The following TP53I3 variants were observed in gnomAD, a reference collection of about 807,000 sequenced individuals.
The protein encoded by TP53I3 is tumor protein p53 inducible protein 3, also known as quinone oxidoreductase PIG3.
A neutral mutation model predicts 27.7 loss-of-function variants in TP53I3; 32 were observed. The observed-to-expected ratio is 1.16, with a 90% CI of 0.87 to 1.55. The LOEUF (loss-of-function observed/expected upper bound fraction) is 1.55, where lower values mean the gene tolerates loss of function less well. TP53I3 is among the 40% of genes most tolerant of loss of function. The pLI is 0.00. For missense variants in TP53I3, 372 were observed against 412.3 expected (o/e 0.90, Z 0.85); for synonymous variants, 138 against 167.8 (o/e 0.82, Z 1.37).
chr2:24,084,251 C>T lies in TP53I3; in HGVS notation c.76G>A (p.Gly26Arg). ...ACCTTCAGGAGGACTTCACCCTCCC[C>T]CGGGCTCGGCTTGGCCACCTCCTTC... is the stretch of plus-strand genomic sequence containing the variant. ...YVKEVAKPSP[G>R]EGEVLLKVAA... The change falls in exon 1 of 5, where the codon GGG becomes AGG. Residue 26 changes from glycine to arginine, a missense_variant. By Grantham distance (125) the Gly-to-Arg change is moderately radical. Coordinates refer to ENST00000238721, the MANE Select transcript of TP53I3 (RefSeq NM_004881.5). The surrounding 1 kb of genome is among the most constrained non-coding windows in gnomAD (Gnocchi z 8.4). The T allele has an allele frequency of 6.2e-7, 1 of 1,614,164 alleles. No individual in the cohort carries two copies. Among genetic ancestry groups the T allele is most frequent in the African/African-American group, 1.3e-5 (1 of 75,074 alleles).
chr2:24,077,628 A>G lies in TP53I3; in HGVS notation c.950T>C (p.Met317Thr), dbSNP rs145805831. The change falls in exon 5 of 5, where the codon ATG becomes ACG. Residue 317 changes from methionine (M) to threonine (T), a missense_variant. Transcript: ENST00000238721. The surrounding 1 kb of genome is among the most constrained non-coding windows in gnomAD (Gnocchi z 5.5). ...CTTGCCTATGTTCTTGTTGGCCTCC[A>G]TGTACTTATGGGCCTCCTGGATTTC... ...VTEIQEAHKY[M>T]EANKNIGKIV... The G allele has an allele frequency of 3.3e-5, 54 of 1,612,706 alleles. No individual in the cohort carries two copies. The African/African-American group carries it at 6.7e-4, about 20-fold the overall frequency.
Position 24,084,421 on chromosome 2 carries a change from G to T in TP53I3, c.-95C>A. 2 of 1,214,492 alleles carry T rather than the reference G, an allele frequency of 1.6e-6. No individual in the cohort carries two copies. Among genetic ancestry groups the T allele is most frequent in the Non-Finnish European group, 1.1e-6 (1 of 914,582 alleles). 75.2% of individuals were successfully genotyped at this position (1,214,492 alleles called of 1,614,324 possible). A position where few individuals can be genotyped will look rare whatever the true frequency, so the allele number is the denominator to read the frequency against. On this transcript the variant is annotated 5_prime_UTR_variant, in exon 1 of 5. Transcript: ENST00000238721. This position sits in a 1 kb window ranked among gnomAD's most constrained non-coding sequence, Gnocchi z 8.4. ...CAGGGCAGGACAGGACAGGGCAGGG[G>T]CCGCTGTATCCTCGCGGAGCAGCCC...
In TP53I3 at chr2:24,077,696, G is replaced by T. The variant is rs1383217735; in HGVS notation, c.882C>A (p.Pro294=). The T allele has an allele frequency of 6.2e-7, 1 of 1,614,086 alleles. No homozygotes were observed. Among genetic ancestry groups the T allele is most frequent in the South Asian group, 1.1e-5 (1 of 91,080 alleles). Residue 294 remains proline, a synonymous_variant, in exon 5 of 5, where the codon CCC becomes CCA. Transcript: ENST00000238721. This position sits in a 1 kb window ranked among gnomAD's most constrained non-coding sequence, Gnocchi z 5.5. ...QILPHFSTEG[P]QRLLPVLDRI... ...TGTCCAGAACCGGCAGCAGACGTTG[G>T]GGGCCCTCCGTGGAGAAGTGAGGCA...
At chr2:24,081,735 C>A (rs1441660873) in intron 2 of TP53I3, among the ~76,000 whole-genome samples, 1 of 149,644 alleles carries the variant, frequency 6.7e-6, no homozygotes, top group East Asian at 2.0e-4. Context: ...GTCACCCAGG[C>A]TGGAGTGCAG....
rs1026576944 is a variant in TP53I3, at chr2:24,080,144, G to T, written c.620-504C>A. Among the ~76,000 whole-genome samples the T allele has an allele frequency of 3.3e-5, 5 of 152,122 alleles. No homozygotes were observed. The highest frequency in any genetic ancestry group is 7.4e-5 in the Non-Finnish European group (5 of 68,014). On this transcript the variant is annotated intron_variant, in intron 3 of 4. Transcript: ENST00000238721. The surrounding 1 kb of genome is among the most constrained non-coding windows in gnomAD (Gnocchi z 4.7). ...GGCTGAGGCAGGTGGATCACCTGAG[G>T]TCAGGAGTTCGAGACCAGCCTGGCC...
Position 24,080,115 on chromosome 2 carries a change from G to C in TP53I3, c.620-475C>G, listed in dbSNP as rs1664933619. On this transcript the variant is annotated intron_variant, in intron 3 of 4. Transcript: ENST00000238721. This position sits in a 1 kb window ranked among gnomAD's most constrained non-coding sequence, Gnocchi z 4.7. ...CTCATGCCTGTAATCCCAGTACTTT[G>C]GGAGGCTGAGGCAGGTGGATCACCT... Among the ~76,000 whole-genome samples the C allele has an allele frequency of 6.6e-6, 1 of 152,128 alleles. No individual in the cohort carries two copies. The highest frequency in any genetic ancestry group is 1.5e-5 in the Non-Finnish European group (1 of 68,012).
At chr2:24,078,880 CTT>C (rs35298792) in intron 4 of TP53I3, 5 of 149,770 alleles carry the variant, frequency 3.3e-5, no homozygotes, top group South Asian at 2.1e-4. Flanking sequence ...AGCATATAAT[CTT>C]TTTTTTTTTG....
In TP53I3 at chr2:24,083,122, C is replaced by A; in HGVS notation, c.169G>T (p.Ala57Ser). ...GCCTCAAGTCCCAAAATGTTGCTGG[C>A]TCCTGGAGGTGGGTCATACTGGCCT... Reference protein sequence around the residue: ...RQGQYDPPPGASNILGLEASG... With the variant: ...RQGQYDPPPGSSNILGLEASG... The change falls in exon 2 of 5, where the codon GCC becomes TCC. Residue 57 changes from alanine to serine, a missense_variant. Physicochemically the swap from Ala to Ser is moderately conservative, Grantham distance 99. Coordinates refer to ENST00000238721, the MANE Select transcript of TP53I3 (RefSeq NM_004881.5). 6.2e-7 allele frequency: 1 copy of A among 1,613,266 alleles called. No homozygotes were observed. The highest frequency in any genetic ancestry group is 1.1e-5 in the South Asian group (1 of 90,930).
In TP53I3 at chr2:24,080,185, C is replaced by T. The variant is rs988641853; in HGVS notation, c.620-545G>A. 3.3e-5 allele frequency among the ~76,000 whole-genome samples: 5 copies of T among 151,908 alleles called. No homozygotes were observed. Among genetic ancestry groups the T allele is most frequent in the Admixed American group, 6.6e-5 (1 of 15,258 alleles). ...CAGCCTGGCCAACATAGTGAAAGCCCGTCTCTACTAAAAATACAAAAATTA... is the reference window on the plus strand; with the variant it reads ...CAGCCTGGCCAACATAGTGAAAGCCTGTCTCTACTAAAAATACAAAAATTA... On this transcript the variant is annotated intron_variant, in intron 3 of 4. Coordinates refer to ENST00000238721, the MANE Select transcript of TP53I3 (RefSeq NM_004881.5). The surrounding 1 kb of genome is among the most constrained non-coding windows in gnomAD (Gnocchi z 4.7).
At chr2:24,081,075 C>G in intron 2 of TP53I3, 44 bp from the exon 3 acceptor site, 1 of 1,545,774 alleles carries the variant, frequency 6.5e-7, no homozygotes, top group Non-Finnish European at 8.9e-7. Flanking sequence ...GCAACTGCTA[C>G]ACATTCCCCA....
At chr2:24,083,189 T>G (rs1665093688) in intron 1 of TP53I3, 37 bp from the exon 2 acceptor site, 13 of 1,550,246 alleles carry the variant, frequency 8.4e-6, no homozygotes, top group Middle Eastern at 1.7e-4. Context: ...GTGAGCATGA[T>G]CAGAAATCTG....
chr2:24,080,920 C>T lies in TP53I3; in HGVS notation c.518G>A (p.Gly173Asp). The change falls in exon 3 of 5, where the codon GGC (glycine) becomes GAC (aspartate). Residue 173 changes from glycine to aspartate, a missense_variant. By Grantham distance (94) the Gly-to-Asp change is moderately conservative. Coordinates refer to ENST00000238721, the MANE Select transcript of TP53I3 (RefSeq NM_004881.5). The surrounding 1 kb of genome is among the most constrained non-coding windows in gnomAD (Gnocchi z 4.7). Reference sequence around the variant, plus strand: ...TGCCATTTGAAGCTTCTTCTGGGAGCCAGCTGTGACCAGAGGAATAGCTCC... The same window carrying T: ...TGCCATTTGAAGCTTCTTCTGGGAGTCAGCTGTGACCAGAGGAATAGCTCC... ...MAGAIPLVTA[G>D]SQKKLQMAEK... 1.9e-6 allele frequency: 3 copies of T among 1,614,230 alleles called. No homozygotes were observed. The highest frequency in any genetic ancestry group is 2.5e-6 in the Non-Finnish European group (3 of 1,180,044).
chr2:24,079,276 C>G lies in TP53I3; in HGVS notation c.816+168G>C, dbSNP rs1236662080. ...GATACTGAAGCTTCTATCAACCAAT[C>G]TGAATCAGTTCTCTGAAATCGGGTT... On this transcript the variant is annotated intron_variant, in intron 4 of 4. Transcript: ENST00000238721. 5 of 653,514 alleles carry G rather than the reference C, an allele frequency of 7.7e-6. No individual in the cohort carries two copies. The African/African-American group carries it at 9.1e-5, about 12-fold the overall frequency. The allele number at this position is 653,514 out of a possible 1,614,324, so 40.5% of individuals were successfully genotyped here. A position where few individuals can be genotyped will look rare whatever the true frequency, so the allele number is the denominator to read the frequency against.
In TP53I3 at chr2:24,079,424, T is replaced by G. The variant is rs531856385; in HGVS notation, c.816+20A>C. On this transcript the variant is annotated intron_variant, in intron 4 of 4. Coordinates refer to ENST00000238721, the MANE Select transcript of TP53I3 (RefSeq NM_004881.5). ...CTTTTCTGGGTTAAATCACATGTTT[T>G]CTTTTCATTCATCACTCACCTTATT... 2 of 1,611,810 alleles carry G rather than the reference T, an allele frequency of 1.2e-6. No individual in the cohort carries two copies. Among genetic ancestry groups the G allele is most frequent in the South Asian group, 2.2e-5 (2 of 91,002 alleles).
intron 1 of TP53I3, 85 bp from the exon 2 acceptor site, chr2:24,083,237 C>T: frequency 9.9e-6 from 13 of 1,316,702 alleles, no homozygotes; most frequent in Admixed American, 5.4e-5. Flanking sequence ...AAGATCCCCT[C>T]TTTTTTTTTT....
intron 2 of TP53I3, 80 bp downstream of exon 2, chr2:24,082,805 G>A (rs1377302764): frequency 1.3e-6 from 2 of 1,487,318 alleles, no homozygotes; most frequent in Non-Finnish European, 1.8e-6. Flanking sequence ...AGTGCCCTGG[G>A]GGATTGCTGG....
At chr2:24,083,583 A>G (rs1195690763) in intron 1 of TP53I3, among the ~76,000 whole-genome samples, 1 of 152,150 alleles carries the variant, frequency 6.6e-6, no homozygotes, top group African/African-American at 2.4e-5. Flanking sequence ...GAGTATTTCA[A>G]AGTACACGTG....
chr2:24,081,549 G>C (rs1355949207), intron 2 of TP53I3, among the ~76,000 whole-genome samples: 2 of 152,168 alleles, frequency 1.3e-5, no homozygotes, highest in Non-Finnish European at 2.9e-5. Context: ...AAAATGTAAA[G>C]TGCTTCTCCA....
intron 1 of TP53I3, 64 bp from the exon 2 acceptor site, chr2:24,083,216 G>C: frequency 6.8e-7 from 1 of 1,477,128 alleles, no homozygotes; most frequent in Non-Finnish European, 9.0e-7. Flanking sequence ...ACTACCCCTG[G>C]CCCCCCTTCC....
Sources: allele counts gnomAD v4.1 joint callset (sites outside exome capture counted in the v4.1 genomes callset), GRCh38; gene constraint gnomAD v4.1.1; non-coding constraint Gnocchi (gnomAD v3.1); transcripts MANE v1.5; gene names NCBI Gene and HGNC (gene_info 2026-07-23, HGNC 2026-07-21).